FZR1: variants seen among roughly 807,000 people sequenced by gnomAD.
The protein encoded by FZR1 is fizzy and cell division cycle 20 related 1, also known as fizzy-related protein homolog.
Under a neutral mutation model 63.6 loss-of-function variants are expected in FZR1, and 11 were observed. The observed-to-expected ratio is 0.17, with a 90% CI of 0.11 to 0.29. The LOEUF (loss-of-function observed/expected upper bound fraction) is 0.29, where lower values mean the gene tolerates loss of function less well. FZR1 is among the 10% of genes least tolerant of loss of function. The pLI, the probability that FZR1 is intolerant of heterozygous loss-of-function variation, is 1.00. For synonymous variants in FZR1, 328 were observed against 297.9 expected, an observed-to-expected ratio of 1.10 and a Z score of -1.04; for missense variants, 440 against 687.5, an observed-to-expected ratio of 0.64 and a Z score of 4.03.
At position 3,535,017 on chromosome 19, in the gene FZR1, C is replaced by T; in HGVS notation, c.*181C>T. Reference sequence around the variant, plus strand: ...ATGCCTGATTGTGAACCATGTCCACCAGTATCTGGGGTGGGCACGTGGTCG... The same window carrying T: ...ATGCCTGATTGTGAACCATGTCCACTAGTATCTGGGGTGGGCACGTGGTCG... On this transcript the variant is annotated 3_prime_UTR_variant, in exon 14 of 14. Coordinates refer to ENST00000441788, the MANE Select transcript of FZR1 (RefSeq NM_016263.4). The T allele has an allele frequency of 1.9e-5, 12 of 616,960 alleles. No individual in the cohort carries two copies. Among genetic ancestry groups the T allele is most frequent in the Non-Finnish European group, 3.5e-5 (12 of 343,840 alleles). The allele number at this position is 616,960 out of a possible 1,614,324, so 38.2% of individuals were successfully genotyped here.
rs1010203512 is a variant in FZR1, at chr19:3,536,169, A to C, written c.*1333A>C. 1 of 152,238 alleles carries C rather than the reference A, an allele frequency of 6.6e-6. No individual in the cohort carries two copies. The highest frequency in any genetic ancestry group is 6.5e-5 in the Admixed American group (1 of 15,288). The allele number at this position is 152,238 out of a possible 1,614,324, so 9.4% of individuals were successfully genotyped here. A position where few individuals can be genotyped will look rare whatever the true frequency, so the allele number is the denominator to read the frequency against. ...CAGTGGGGTTGGCGTGCATGTGTAC[A>C]TATGTATTTGTGACTTTTCTTTGGA... On this transcript the variant is annotated 3_prime_UTR_variant, in exon 14 of 14. Coordinates refer to ENST00000441788, the MANE Select transcript of FZR1 (RefSeq NM_016263.4).
At chr19:3,530,720 G>A (rs999801631) in intron 7 of FZR1, 72 bp from the exon 8 acceptor site, 11 of 1,096,712 alleles carry the variant, frequency 1.0e-5, no homozygotes, top group Middle Eastern at 3.9e-4. Flanking sequence ...GACAGTGGAG[G>A]GATGAATGTA....
rs148747534 is a variant in FZR1 at position 3,525,080 on chromosome 19, A to G, written c.70-788A>G. Among the ~76,000 whole-genome samples the G allele has an allele frequency of 7.9e-4, 120 of 152,254 alleles. No homozygotes were observed. The highest frequency in any genetic ancestry group is 1.6e-3 in the Non-Finnish European group (107 of 68,020). Reference sequence around the variant, plus strand: ...GGGTTAGACGGGTGTTGTGGGCAGCAGGAGATGGGGATGAGGGCCACACTC... The same window carrying G: ...GGGTTAGACGGGTGTTGTGGGCAGCGGGAGATGGGGATGAGGGCCACACTC... On this transcript the variant is annotated intron_variant, in intron 2 of 13. Transcript: ENST00000441788. The surrounding 1 kb of genome is among the most constrained non-coding windows in gnomAD (Gnocchi z 4.2).
At position 3,522,975 on chromosome 19, in the gene FZR1, G is replaced by T; in HGVS notation, c.-15G>T. 1 of 1,602,572 alleles carries T rather than the reference G, an allele frequency of 6.2e-7. No homozygotes were observed. On this transcript the variant is annotated 5_prime_UTR_variant, in exon 2 of 14. Coordinates refer to ENST00000441788, the MANE Select transcript of FZR1 (RefSeq NM_016263.4). ...CTGCAGGCTAACCTTGCCGCGGGCC[G>T]AGCCCTGCCTCGCCATGGACCAGGA...
In FZR1 at chr19:3,523,206, C is replaced by T. The variant is rs115643340; in HGVS notation, c.69+148C>T. ...CCCAGGTCACACGGGGCCTCCGCCT[C>T]CTGGGCTGTCAGGGTTGCCGCCACC... is the stretch of plus-strand genomic sequence containing the variant. On this transcript the variant is annotated intron_variant, in intron 2 of 13. Transcript: ENST00000441788. The T allele has an allele frequency of 1.3e-3, 909 of 678,890 alleles. 8 individuals are homozygous for T. The African/African-American group carries it at 0.015, about 11-fold the overall frequency. The allele number at this position is 678,890 out of a possible 1,614,324, so 42.1% of individuals were successfully genotyped here.
chr19:3,507,462 T>C (rs1401381327), intron 1 of FZR1, among the ~76,000 whole-genome samples: 4 of 151,946 alleles, frequency 2.6e-5, no homozygotes, highest in African/African-American at 9.7e-5. Flanking sequence ...TAAATCTGTT[T>C]TGTCTTTTCC....
rs1225428741 is a variant in FZR1, at chr19:3,530,044, G to A, written c.655-748G>A. ...TGGATGGGAGAGTGGATGGGTGAGC[G>A]GATGGGAGAGCAGATGGGTGAGCGG... On this transcript the variant is annotated intron_variant, in intron 7 of 13. Coordinates refer to ENST00000441788, the MANE Select transcript of FZR1 (RefSeq NM_016263.4). Among the ~76,000 whole-genome samples the A allele has an allele frequency of 6.5e-4, 82 of 126,482 alleles. 8 individuals are homozygous for A. The highest frequency in any genetic ancestry group is 5.4e-3 in the Middle Eastern group (1 of 184). The allele number at this position is 126,482 out of a possible 152,430, so 83.0% of individuals were successfully genotyped here.
At chr19:3,528,875 G>A (rs978646501) in intron 7 of FZR1, among the ~76,000 whole-genome samples, 2 of 149,724 alleles carry the variant, frequency 1.3e-5, no homozygotes, top group Non-Finnish European at 3.0e-5. Context: ...GAGTGGATGG[G>A]AAAGTGGATG....
At chr19:3,513,754 T>G (rs2083039446) in intron 1 of FZR1, among the ~76,000 whole-genome samples, 1 of 152,100 alleles carries the variant, frequency 6.6e-6, no homozygotes, top group African/African-American at 2.4e-5. Flanking sequence ...ACGTCCCCTG[T>G]GGGTAGCAAG....
rs972769452 is a variant in FZR1, at chr19:3,526,854, G to T, written c.388-126G>T. On this transcript the variant is annotated intron_variant, in intron 5 of 13. Transcript: ENST00000441788. This position sits in a 1 kb window ranked among gnomAD's most constrained non-coding sequence, Gnocchi z 5.4. ...GGAAGGCGCCTGCCTTTTTACAGCT[G>T]CTCCACACAGGGTCTCAGCACCTGC... 21 of 694,098 alleles carry T rather than the reference G, an allele frequency of 3.0e-5. No homozygotes were observed. Among genetic ancestry groups the T allele is most frequent in the Non-Finnish European group, 4.0e-5 (16 of 396,902 alleles). 43.0% of individuals were successfully genotyped at this position (694,098 alleles called of 1,614,324 possible). A position where few individuals can be genotyped will look rare whatever the true frequency, so the allele number is the denominator to read the frequency against.
rs532662374 is a variant in FZR1 at position 3,514,952 on chromosome 19, G to A, written c.-34-8004G>A. 5.9e-5 allele frequency among the ~76,000 whole-genome samples: 9 copies of A among 152,266 alleles called. No individual in the cohort carries two copies. The East Asian group carries it at 1.5e-3, about 26-fold the overall frequency. ...CATTCTGGGGCCCAGGGGGTGAAAG[G>A]TGGACCTTCCCTATGAGCTGGCCCA... On this transcript the variant is annotated intron_variant, in intron 1 of 13. Transcript: ENST00000441788. This position sits in a 1 kb window ranked among gnomAD's most constrained non-coding sequence, Gnocchi z 4.2.
At chr19:3,508,258 G>A (rs2083000263) in intron 1 of FZR1, among the ~76,000 whole-genome samples, 1 of 145,886 alleles carries the variant, frequency 6.9e-6, no homozygotes, top group South Asian at 2.2e-4. Context: ...GTCCAGTGGC[G>A]CGATCTCGGC....
At position 3,538,109 on chromosome 19, in the gene FZR1, C is replaced by T. The variant is rs11667273; in HGVS notation, c.*3273C>T. On this transcript the variant is annotated 3_prime_UTR_variant, in exon 14 of 14. Transcript: ENST00000441788. Reference sequence around the variant, plus strand: ...GCACCTACGCCGAGGGAGTGGAGCTCCTGGGTGCGTGTCCAGATGGGAAAG... The same window carrying T: ...GCACCTACGCCGAGGGAGTGGAGCTTCTGGGTGCGTGTCCAGATGGGAAAG... 642 of 154,714 alleles carry T rather than the reference C, an allele frequency of 4.1e-3. 7 individuals carry two copies. Among genetic ancestry groups the T allele is most frequent in the Middle Eastern group, 9.9e-3 (3 of 302 alleles). The allele number at this position is 154,714 out of a possible 1,614,324, so 9.6% of individuals were successfully genotyped here.
chr19:3,533,430 C>T lies in FZR1; in HGVS notation c.1347+32C>T, dbSNP rs1261678766. ...TCACGCCAGGCACTTCAAGGTGCCCCGGGATTCTGGACAAACTGCCATGGC... is the reference window on the plus strand; with the variant it reads ...TCACGCCAGGCACTTCAAGGTGCCCTGGGATTCTGGACAAACTGCCATGGC... On this transcript the variant is annotated intron_variant, in intron 12 of 13. Transcript: ENST00000441788. This position sits in a 1 kb window ranked among gnomAD's most constrained non-coding sequence, Gnocchi z 4.9. 16 of 1,394,666 alleles carry T rather than the reference C, an allele frequency of 1.1e-5. No individual in the cohort carries two copies. The highest frequency in any genetic ancestry group is 2.3e-5 in the East Asian group (1 of 43,788). 86.4% of individuals were successfully genotyped at this position (1,394,666 alleles called of 1,614,324 possible). A position where few individuals can be genotyped will look rare whatever the true frequency, so the allele number is the denominator to read the frequency against.
chr19:3,534,590 G>A (rs781099453), intron 13 of FZR1, 77 bp downstream of exon 13: 24 of 1,031,580 alleles, frequency 2.3e-5, no homozygotes, highest in East Asian at 1.0e-4. Flanking sequence ...CACTGTCCTC[G>A]GGCGTACCCT....
At position 3,514,758 on chromosome 19, in the gene FZR1, C is replaced by T. The variant is rs73525996; in HGVS notation, c.-34-8198C>T. On this transcript the variant is annotated intron_variant, in intron 1 of 13. Transcript: ENST00000441788. This position sits in a 1 kb window ranked among gnomAD's most constrained non-coding sequence, Gnocchi z 4.2. ...TCTGGTGTCTGGTGTGAGCAGGGGC[C>T]GACTCCATTTTTTTCCACATATTTA... 2.0e-3 allele frequency among the ~76,000 whole-genome samples: 300 copies of T among 152,236 alleles called. 1 individual carries two copies. Among genetic ancestry groups the T allele is most frequent in the African/African-American group, 6.9e-3 (286 of 41,522 alleles).
At chr19:3,527,544 C>A in intron 6 of FZR1, 87 bp from the exon 7 acceptor site, 1 of 1,066,074 alleles carries the variant, frequency 9.4e-7, no homozygotes, top group Non-Finnish European at 1.4e-6. Context: ...GCTCCTGGGG[C>A]TGGCAGGGAA....
intron 1 of FZR1, among the ~76,000 whole-genome samples, chr19:3,508,695 C>A (rs1432204787): frequency 1.3e-5 from 2 of 152,166 alleles, no homozygotes; most frequent in African/African-American, 2.4e-5. Context: ...AGGTGAAGAT[C>A]CAGGGGCTTG....
intron 1 of FZR1, among the ~76,000 whole-genome samples, chr19:3,520,413 G>A (rs1035725780): frequency 2.0e-5 from 3 of 152,222 alleles, no homozygotes; most frequent in African/African-American, 7.2e-5. Context: ...GCTTTGGGCT[G>A]AGCCATGTAG....
Sources: gnomAD v4.1 joint callset for allele counts (sites outside exome capture counted in the v4.1 genomes callset) on GRCh38, gnomAD v4.1.1 for gene constraint, Gnocchi (gnomAD v3.1) non-coding constraint, MANE v1.5 for transcripts, NCBI Gene and HGNC (gene_info 2026-07-23, HGNC 2026-07-21) for gene names.